The following KCNQ1OT1 variants were observed in gnomAD, a reference collection of about 807,000 sequenced individuals.
The protein encoded by KCNQ1OT1 is KCNQ1 opposite strand/antisense transcript 1.
Position 2,670,434 on chromosome 11 carries a change from T to G in KCNQ1OT1, n.29561A>C. 2.5e-6 allele frequency: 1 copy of G among 397,850 alleles called. No individual in the cohort carries two copies. The highest frequency in any genetic ancestry group is 1.3e-4 in the South Asian group (1 of 7,814). 24.6% of individuals were successfully genotyped at this position (397,850 alleles called of 1,614,324 possible). A position where few individuals can be genotyped will look rare whatever the true frequency, so the allele number is the denominator to read the frequency against. ...TTCTTGTGTTGGGGTTAGGAGATAC[T>G]GCTGTTGGCTGAGACACACAGCCCA... On this transcript the variant is annotated non_coding_transcript_exon_variant, in exon 1 of 1. Coordinates refer to ENST00000597346, the Ensembl canonical transcript of KCNQ1OT1. The surrounding 1 kb of genome is among the most constrained non-coding windows in gnomAD (Gnocchi z 4.9).
chr11:2,670,588 C>T lies in KCNQ1OT1; in HGVS notation n.29407G>A, dbSNP rs1310100482. On this transcript the variant is annotated non_coding_transcript_exon_variant, in exon 1 of 1. Transcript: ENST00000597346. The surrounding 1 kb of genome is among the most constrained non-coding windows in gnomAD (Gnocchi z 4.9). The stretch of plus-strand genomic sequence containing the variant: ...TGGGAGATAGGAGCAGAAGCCAGGG[C>T]TCATTCCCAGACACACAATCTCTGG... 2 of 398,232 alleles carry T rather than the reference C, an allele frequency of 5.0e-6. No homozygotes were observed. The highest frequency in any genetic ancestry group is 4.4e-6 in the Non-Finnish European group (1 of 226,018). The allele number at this position is 398,232 out of a possible 1,614,324, so 24.7% of individuals were successfully genotyped here.
In KCNQ1OT1 at chr11:2,664,448, G is replaced by A; in HGVS notation, n.35547C>T. The A allele has an allele frequency of 5.0e-6, 2 of 398,676 alleles. No individual in the cohort carries two copies. Among genetic ancestry groups the A allele is most frequent in the Non-Finnish European group, 8.8e-6 (2 of 226,124 alleles). The allele number at this position is 398,676 out of a possible 1,614,324, so 24.7% of individuals were successfully genotyped here. Reference sequence around the variant, plus strand: ...GGGCCTAGGAACCCAGGCTCCTCTGGGATACAGGCTGGGTAGAGGCCCCAC... The same window carrying A: ...GGGCCTAGGAACCCAGGCTCCTCTGAGATACAGGCTGGGTAGAGGCCCCAC... On this transcript the variant is annotated non_coding_transcript_exon_variant, in exon 1 of 1. Transcript: ENST00000597346. The surrounding 1 kb of genome is among the most constrained non-coding windows in gnomAD (Gnocchi z 5.1).
chr11:2,672,838 G>C (rs970110177), exon 1 of KCNQ1OT1: 7 of 398,674 alleles, frequency 1.8e-5, no homozygotes, highest in Non-Finnish European at 2.7e-5. Flanking sequence ...TCTGGGTTCT[G>C]CCTGGGCATT....
chr11:2,614,469 A>T (rs780984231), exon 1 of KCNQ1OT1: 3 of 398,390 alleles, frequency 7.5e-6, no homozygotes, highest in Non-Finnish European at 1.3e-5. Flanking sequence ...ATCTCAAGTC[A>T]TAAAGATTTA....
chr11:2,681,964 T>G (rs1164544793), exon 1 of KCNQ1OT1: 1 of 398,520 alleles, frequency 2.5e-6, no homozygotes, highest in African/African-American at 2.1e-5. Context: ...TTACACTTCC[T>G]GTTTGCCAGG....
rs1053980781 is a variant in KCNQ1OT1 at position 2,657,061 on chromosome 11, A to G, written n.42934T>C. 12 of 398,478 alleles carry G rather than the reference A, an allele frequency of 3.0e-5. No individual in the cohort carries two copies. Among genetic ancestry groups the G allele is most frequent in the Admixed American group, 8.8e-5 (2 of 22,714 alleles). 24.7% of individuals were successfully genotyped at this position (398,478 alleles called of 1,614,324 possible). A position where few individuals can be genotyped will look rare whatever the true frequency, so the allele number is the denominator to read the frequency against. On this transcript the variant is annotated non_coding_transcript_exon_variant, in exon 1 of 1. Coordinates refer to ENST00000597346, the Ensembl canonical transcript of KCNQ1OT1. The surrounding 1 kb of genome is among the most constrained non-coding windows in gnomAD (Gnocchi z 4.8). ...TGTGTGGGCTGTTTCCCAATGCTCA[A>G]TCCTGTCCCATTGGCCTATTTGTCT...
rs879080572 is a variant in KCNQ1OT1, at chr11:2,624,808, A to C, written n.75187T>G. 1.8e-5 allele frequency: 7 copies of C among 398,352 alleles called. No individual in the cohort carries two copies. Among genetic ancestry groups the C allele is most frequent in the Admixed American group, 4.4e-5 (1 of 22,688 alleles). The allele number at this position is 398,352 out of a possible 1,614,324, so 24.7% of individuals were successfully genotyped here. ...TCTATGTCTCTGATTTGACTATTCT[A>C]CATACCTCATATAAGTGGAAACATA... On this transcript the variant is annotated non_coding_transcript_exon_variant, in exon 1 of 1. Transcript: ENST00000597346. The surrounding 1 kb of genome is among the most constrained non-coding windows in gnomAD (Gnocchi z 4.9).
rs1266811751 is a variant in KCNQ1OT1 at position 2,647,270 on chromosome 11, A to G, written n.52725T>C. The G allele has an allele frequency of 1.0e-5, 4 of 398,238 alleles. No homozygotes were observed. The highest frequency in any genetic ancestry group is 8.8e-5 in the Admixed American group (2 of 22,694). The allele number at this position is 398,238 out of a possible 1,614,324, so 24.7% of individuals were successfully genotyped here. A position where few individuals can be genotyped will look rare whatever the true frequency, so the allele number is the denominator to read the frequency against. ...GTCCTTCCTTCTGTTAATGTGATGT[A>G]TCACATTTATTGATTTGTATATGTT... On this transcript the variant is annotated non_coding_transcript_exon_variant, in exon 1 of 1. Coordinates refer to ENST00000597346, the Ensembl canonical transcript of KCNQ1OT1. This position sits in a 1 kb window ranked among gnomAD's most constrained non-coding sequence, Gnocchi z 4.0.
Position 2,620,372 on chromosome 11 carries a change from A to C in KCNQ1OT1, n.79623T>G, listed in dbSNP as rs1270844552. 1 of 208,462 alleles carries C rather than the reference A, an allele frequency of 4.8e-6. No individual in the cohort carries two copies. The highest frequency in any genetic ancestry group is 9.4e-6 in the Non-Finnish European group (1 of 106,748). 12.9% of individuals were successfully genotyped at this position (208,462 alleles called of 1,614,324 possible). A position where few individuals can be genotyped will look rare whatever the true frequency, so the allele number is the denominator to read the frequency against. ...GCTGGGATTAGAGGCATGCGCCACC[A>C]CGTCCAGCTAATTTTGTAGTTTTAG... is the stretch of plus-strand genomic sequence containing the variant. On this transcript the variant is annotated non_coding_transcript_exon_variant, in exon 1 of 1. Transcript: ENST00000597346. The surrounding 1 kb of genome is among the most constrained non-coding windows in gnomAD (Gnocchi z 4.5).
Position 2,663,733 on chromosome 11 carries a change from A to C in KCNQ1OT1, n.36262T>G. 2.5e-6 allele frequency: 1 copy of C among 398,706 alleles called. No individual in the cohort carries two copies. Among genetic ancestry groups the C allele is most frequent in the East Asian group, 3.6e-5 (1 of 28,076 alleles). 24.7% of individuals were successfully genotyped at this position (398,706 alleles called of 1,614,324 possible). On this transcript the variant is annotated non_coding_transcript_exon_variant, in exon 1 of 1. Coordinates refer to ENST00000597346, the Ensembl canonical transcript of KCNQ1OT1. This position sits in a 1 kb window ranked among gnomAD's most constrained non-coding sequence, Gnocchi z 5.2. ...GGTCTTGCAAGGCCCCTGCAGGTGA[A>C]GGTGGTGAGAGACCAGGCACTTATG...
Position 2,611,357 on chromosome 11 carries a change from C to A in KCNQ1OT1, n.88638G>T. 2.5e-6 allele frequency: 1 copy of A among 397,302 alleles called. No homozygotes were observed. The highest frequency in any genetic ancestry group is 4.4e-6 in the Non-Finnish European group (1 of 225,836). 24.6% of individuals were successfully genotyped at this position (397,302 alleles called of 1,614,324 possible). Reference sequence around the variant, plus strand: ...GCCTCAGCATCCCAAGTAGCTGGGACTACAGGCATTTGCCACCATACCCAG... The same window carrying A: ...GCCTCAGCATCCCAAGTAGCTGGGAATACAGGCATTTGCCACCATACCCAG... On this transcript the variant is annotated non_coding_transcript_exon_variant, in exon 1 of 1. Transcript: ENST00000597346. This position sits in a 1 kb window ranked among gnomAD's most constrained non-coding sequence, Gnocchi z 5.3.
At chr11:2,686,124 T>G (rs955933750) in exon 1 of KCNQ1OT1, 1 of 398,642 alleles carries the variant, frequency 2.5e-6, no homozygotes, top group African/African-American at 2.1e-5. Flanking sequence ...GCCTTTGCCC[T>G]GTCTCGCCCC....
In KCNQ1OT1 at chr11:2,690,613, G is replaced by T; in HGVS notation, n.9382C>A. 2.5e-6 allele frequency: 1 copy of T among 398,676 alleles called. No individual in the cohort carries two copies. Among genetic ancestry groups the T allele is most frequent in the South Asian group, 1.3e-4 (1 of 7,852 alleles). The allele number at this position is 398,676 out of a possible 1,614,324, so 24.7% of individuals were successfully genotyped here. On this transcript the variant is annotated non_coding_transcript_exon_variant, in exon 1 of 1. Coordinates refer to ENST00000597346, the Ensembl canonical transcript of KCNQ1OT1. This position sits in a 1 kb window ranked among gnomAD's most constrained non-coding sequence, Gnocchi z 5.1. ...GGCAGGGAGTGGGGCACACATATGT[G>T]CATGTTCATATATGTGTCAGAATGC... is the stretch of plus-strand genomic sequence containing the variant.
rs142120369 is a variant in KCNQ1OT1, at chr11:2,668,629, T to C, written n.31366A>G. On this transcript the variant is annotated non_coding_transcript_exon_variant, in exon 1 of 1. Coordinates refer to ENST00000597346, the Ensembl canonical transcript of KCNQ1OT1. This position sits in a 1 kb window ranked among gnomAD's most constrained non-coding sequence, Gnocchi z 4.3. ...GCCTACATCTTCTGCCTGTTTTATG[T>C]TTATTTATGGTCCTATATATCTTTA... The C allele has an allele frequency of 4.5e-4, 178 of 398,602 alleles. No individual in the cohort carries two copies. The highest frequency in any genetic ancestry group is 6.4e-4 in the Non-Finnish European group (145 of 226,060). 24.7% of individuals were successfully genotyped at this position (398,602 alleles called of 1,614,324 possible).
chr11:2,688,778 T>G (rs527865595), exon 1 of KCNQ1OT1: 64 of 398,672 alleles, frequency 1.6e-4, no homozygotes, highest in Non-Finnish European at 2.6e-4. Flanking sequence ...ATACCACACC[T>G]ATATACTTGC....
At chr11:2,666,910 G>A (rs965536396) in exon 1 of KCNQ1OT1, 4 of 398,562 alleles carry the variant, frequency 1.0e-5, no homozygotes, top group African/African-American at 8.2e-5. Context: ...CCAGTGTCCT[G>A]TCTTCTGCAA....
chr11:2,692,649 C>T (rs986476568), exon 1 of KCNQ1OT1: 5 of 398,610 alleles, frequency 1.3e-5, no homozygotes, highest in Non-Finnish European at 2.2e-5. Flanking sequence ...GCACTCCCCT[C>T]AGGGTGCAAA....
At chr11:2,625,882 T>A in exon 1 of KCNQ1OT1, 1 of 398,684 alleles carries the variant, frequency 2.5e-6, no homozygotes, top group Non-Finnish European at 4.4e-6. Context: ...TTGCCCATTT[T>A]TCAGGTGCAT....
rs1420103942 is a variant in KCNQ1OT1, at chr11:2,619,740, T to C, written n.80255A>G. On this transcript the variant is annotated non_coding_transcript_exon_variant, in exon 1 of 1. Coordinates refer to ENST00000597346, the Ensembl canonical transcript of KCNQ1OT1. ...TTTTTTTTTTTGGAAGTATTCCCTATAGCTGCATTTTTTTGGAAGAGTTTA... is the reference window on the plus strand; with the variant it reads ...TTTTTTTTTTTGGAAGTATTCCCTACAGCTGCATTTTTTTGGAAGAGTTTA... The C allele has an allele frequency of 4.8e-5, 19 of 398,162 alleles. No homozygotes were observed. The Admixed American group carries it at 5.3e-4, about 11-fold the overall frequency. The allele number at this position is 398,162 out of a possible 1,614,324, so 24.7% of individuals were successfully genotyped here.
Sources: gnomAD v4.1 joint callset for allele counts on GRCh38, gnomAD v4.1.1 for gene constraint, Gnocchi (gnomAD v3.1) non-coding constraint, MANE v1.5 for transcripts, NCBI Gene and HGNC (gene_info 2026-07-23, HGNC 2026-07-21) for gene names.